The following TMEM232 variants were observed in gnomAD, a reference collection of about 807,000 sequenced individuals.
TMEM232 encodes the protein transmembrane protein 232.
TMEM232 carries 80 observed loss-of-function variants against 78.8 expected under a neutral mutation model. The observed-to-expected ratio is 1.01, with a 90% CI of 0.85 to 1.22. The LOEUF (loss-of-function observed/expected upper bound fraction) is 1.22. TMEM232 is among the 50% of genes most tolerant of loss of function. The pLI, the probability that TMEM232 is intolerant of heterozygous loss-of-function variation, is 0.00. For synonymous variants in TMEM232, 297 were observed against 254.3 expected (o/e 1.17, Z -1.60); for missense variants, 881 against 742.2 (o/e 1.19, Z -2.17).
chr5:110,428,786 G>A (rs1469063010), intron 12 of TMEM232, among the ~76,000 whole-genome samples: 1 of 151,348 alleles, frequency 6.6e-6, no homozygotes, highest in Admixed American at 6.6e-5. Context: ...ATCTCATCTC[G>A]AGATCCTTAC....
intron 12 of TMEM232, among the ~76,000 whole-genome samples, chr5:110,527,162 G>A (rs1770724988): frequency 1.3e-5 from 2 of 151,852 alleles, no homozygotes; most frequent in African/African-American, 4.8e-5. Flanking sequence ...TAACTTTAAT[G>A]TATAGAAATT....
intron 1 of TMEM232, among the ~76,000 whole-genome samples, chr5:110,722,338 C>G (rs1483523711): frequency 6.6e-6 from 1 of 152,100 alleles, no homozygotes; most frequent in Non-Finnish European, 1.5e-5. Context: ...ATAACTGGCT[C>G]ATGGTTTCTC....
intron 11 of TMEM232, among the ~76,000 whole-genome samples, chr5:110,537,199 C>T (rs1263768381): frequency 2.0e-5 from 3 of 152,072 alleles, no homozygotes; most frequent in Non-Finnish European, 4.4e-5. Context: ...AACCCTCCAT[C>T]TATTCCACCT....
At chr5:110,470,357 A>C (rs1245406767) in intron 12 of TMEM232, among the ~76,000 whole-genome samples, 2 of 152,146 alleles carry the variant, frequency 1.3e-5, no homozygotes, top group Non-Finnish European at 2.9e-5. Context: ...CCGACCACAG[A>C]GAATGAACTT....
At chr5:110,532,370 A>G (rs1398903638) in intron 11 of TMEM232, among the ~76,000 whole-genome samples, 15 of 150,290 alleles carry the variant, frequency 1.0e-4, no homozygotes, top group South Asian at 2.1e-4. Flanking sequence ...GCCGAGCTTC[A>G]GGTAACTCTC....
At chr5:110,402,957 A>G (rs1755659028) in intron 2 of TMEM232, among the ~76,000 whole-genome samples, 1 of 152,122 alleles carries the variant, frequency 6.6e-6, no homozygotes, top group African/African-American at 2.4e-5. Flanking sequence ...ACTATAATCT[A>G]ATGTCTTTAA....
intron 11 of TMEM232, among the ~76,000 whole-genome samples, chr5:110,553,548 T>A (rs530350457): frequency 6.6e-6 from 1 of 152,338 alleles, no homozygotes; most frequent in East Asian, 1.9e-4. Flanking sequence ...TGTTTAGGAA[T>A]GCTAGTGATT....
chr5:110,724,661 T>C (rs1226283834), intron 1 of TMEM232, among the ~76,000 whole-genome samples: 1 of 152,074 alleles, frequency 6.6e-6, no homozygotes, highest in Non-Finnish European at 1.5e-5. Flanking sequence ...TTAAGATCAT[T>C]TAACTGGCCT....
intron 10 of TMEM232, among the ~76,000 whole-genome samples, chr5:110,595,015 C>A (rs1379735160): frequency 6.6e-6 from 1 of 152,184 alleles, no homozygotes; most frequent in East Asian, 1.9e-4. Context: ...ACACCTCACA[C>A]AGGAGAGCTC....
chr5:110,649,769 T>C (rs905373510), intron 2 of TMEM232, among the ~76,000 whole-genome samples: 1 of 152,154 alleles, frequency 6.6e-6, no homozygotes, highest in Admixed American at 6.6e-5. Flanking sequence ...TGCATTTTTA[T>C]ATATTTGTTC....
Position 110,410,365 on chromosome 5 carries a change from G to T in TMEM232, n.309-12511C>A, listed in dbSNP as rs905345806. ...CTTCTCTCACTTTCCACAAATGTTA[G>T]ATTCAGGCACACAGCTTGAGGATAC... On this transcript the variant is annotated intron_variant and non_coding_transcript_variant, in intron 2 of 8. Transcript: ENST00000507188. 2.6e-5 allele frequency among the ~76,000 whole-genome samples: 4 copies of T among 152,286 alleles called. No homozygotes were observed. In the East Asian group the frequency reaches 7.7e-4, roughly 29 times the overall value.
chr5:110,438,672 G>A (rs117297665), intron 12 of TMEM232, among the ~76,000 whole-genome samples: 2,790 of 152,058 alleles, frequency 0.018, 29 homozygotes, highest in South Asian at 0.03. Context: ...GAATTCAAAC[G>A]GACCAGAACT....
At chr5:110,454,943 C>G (rs917925641) in intron 12 of TMEM232, among the ~76,000 whole-genome samples, 4 of 151,312 alleles carry the variant, frequency 2.6e-5, no homozygotes, top group African/African-American at 9.7e-5. Context: ...TCTAGCCAGA[C>G]CTACCAACCA....
At chr5:110,566,320 T>C (rs1776334603) in intron 11 of TMEM232, among the ~76,000 whole-genome samples, 1 of 151,932 alleles carries the variant, frequency 6.6e-6, no homozygotes, top group South Asian at 2.1e-4. Context: ...CTGGACACAT[T>C]TTCCCTTTTG....
intron 2 of TMEM232, among the ~76,000 whole-genome samples, chr5:110,414,002 C>T (rs1024103333): frequency 1.3e-5 from 2 of 152,120 alleles, no homozygotes; most frequent in East Asian, 1.9e-4. Context: ...AAAGCACTCC[C>T]GTGAATCTCA....
intron 12 of TMEM232, among the ~76,000 whole-genome samples, chr5:110,456,696 A>G (rs1347760550): frequency 6.6e-6 from 1 of 152,166 alleles, no homozygotes; most frequent in Non-Finnish European, 1.5e-5. Flanking sequence ...TGGAACAGAA[A>G]AAGATTTGAG....
chr5:110,519,377 ACATCACTATT>A (rs1036690078), intron 12 of TMEM232, among the ~76,000 whole-genome samples: 12 of 152,134 alleles, frequency 7.9e-5, no homozygotes, highest in Admixed American at 7.9e-4. Flanking sequence ...TTAATGTTCG[ACATCACTATT>A]CATCAGAGAA....
chr5:110,423,833 T>G lies in TMEM232; in HGVS notation c.1797+990A>C, dbSNP rs535879041. Among the ~76,000 whole-genome samples the G allele has an allele frequency of 2.2e-4, 34 of 151,396 alleles. No individual in the cohort carries two copies. In the South Asian group the frequency reaches 5.8e-3, roughly 26 times the overall value. ...TGTATGTGTATGTGTGTATGTGATG[T>G]TGGCAAACTGCTATTTCATAATCTC... On this transcript the variant is annotated intron_variant, in intron 13 of 13. Coordinates refer to ENST00000455884, the MANE Select transcript of TMEM232 (RefSeq NM_001039763.4).
chr5:110,609,416 G>A (rs1781909918), intron 8 of TMEM232, among the ~76,000 whole-genome samples: 1 of 151,798 alleles, frequency 6.6e-6, no homozygotes, highest in African/African-American at 2.4e-5. Flanking sequence ...AATCTCTACT[G>A]TTTACCCTAT....
Sources: gnomAD v4.1 joint callset for allele counts (sites outside exome capture counted in the v4.1 genomes callset) on GRCh38, gnomAD v4.1.1 for gene constraint, MANE v1.5 for transcripts, NCBI Gene and HGNC (gene_info 2026-07-23, HGNC 2026-07-21) for gene names.